Variants in FOXP2 observed in about 807,000 individuals in gnomAD.
FOXP2 encodes forkhead box protein P2.
In FOXP2, 12 loss-of-function variants were observed where a neutral mutation model predicts 115.8. The observed-to-expected ratio is 0.10, with a 90% CI of 0.07 to 0.17. FOXP2 has a LOEUF of 0.17. Ranked by LOEUF, FOXP2 falls within the 10% of genes least tolerant of loss-of-function variation. The pLI is 1.00. For missense variants in FOXP2, 629 were observed against 843.5 expected, an observed-to-expected ratio of 0.75 and a Z score of 3.15; for synonymous variants, 328 against 297.7, an observed-to-expected ratio of 1.10 and a Z score of -1.05.
At chr7:114,264,099 GT>G (rs1795833135) in intron 1 of FOXP2, among the ~76,000 whole-genome samples, 1 of 152,062 alleles carries the variant, frequency 6.6e-6, no homozygotes, top group Non-Finnish European at 1.5e-5. Context: ...CAAGGTGGCT[GT>G]GAGGTCAAAA....
chr7:114,336,147 A>G (rs918765251), intron 2 of FOXP2, among the ~76,000 whole-genome samples: 1 of 151,616 alleles, frequency 6.6e-6, no homozygotes, highest in Non-Finnish European at 1.5e-5. Flanking sequence ...TGCTGTAAGA[A>G]TATTTTTAAA....
Position 114,693,644 on chromosome 7 carries a change from A to G in FOXP2, c.*3718A>G, listed in dbSNP as rs754013672. The G allele has an allele frequency of 1.1e-5, 5 of 441,716 alleles. No individual in the cohort carries two copies. The highest frequency in any genetic ancestry group is 6.5e-5 in the South Asian group (4 of 61,378). The allele number at this position is 441,716 out of a possible 1,614,324, so 27.4% of individuals were successfully genotyped here. On this transcript the variant is annotated 3_prime_UTR_variant, in exon 17 of 17. Coordinates refer to ENST00000350908, the MANE Select transcript of FOXP2 (RefSeq NM_014491.4). Reference sequence around the variant, plus strand: ...AAAAAAGAAGGATGTACATTTTACTATAGAATTAATGTATGAACAGTGTGT... The same window carrying G: ...AAAAAAGAAGGATGTACATTTTACTGTAGAATTAATGTATGAACAGTGTGT...
rs1252082635 is a variant in FOXP2 at position 114,447,814 on chromosome 7, A to T, written c.168+21135A>T. Among the ~76,000 whole-genome samples the T allele has an allele frequency of 2.0e-5, 3 of 152,142 alleles. No individual in the cohort carries two copies. In the East Asian group the frequency reaches 5.8e-4, roughly 29 times the overall value. On this transcript the variant is annotated intron_variant, in intron 2 of 16. Coordinates refer to ENST00000350908, the MANE Select transcript of FOXP2 (RefSeq NM_014491.4). Reference sequence around the variant, plus strand: ...GCAATTATTTGTTTCACATTCATTTACTCTGGGAAGGACCATTTTTCCAAG... The same window carrying T: ...GCAATTATTTGTTTCACATTCATTTTCTCTGGGAAGGACCATTTTTCCAAG...
intron 3 of FOXP2, among the ~76,000 whole-genome samples, chr7:114,577,952 G>A (rs908733849): frequency 1.3e-5 from 2 of 149,406 alleles, no homozygotes; most frequent in Non-Finnish European, 2.9e-5. Context: ...AGAGAGTTGT[G>A]CAATTGTAGA....
chr7:114,375,012 G>A (rs904053682), intron 2 of FOXP2, among the ~76,000 whole-genome samples: 1 of 151,878 alleles, frequency 6.6e-6, no homozygotes, highest in African/African-American at 2.4e-5. Flanking sequence ...GAGTATGCAG[G>A]GTGTTTATAA....
chr7:114,330,751 T>C (rs1035110807), intron 2 of FOXP2, among the ~76,000 whole-genome samples: 2 of 152,036 alleles, frequency 1.3e-5, no homozygotes, highest in Non-Finnish European at 2.9e-5. Flanking sequence ...AATAAAGATA[T>C]ATGTTTTTAT....
chr7:114,118,043 T>G (rs1032924726), intron 1 of FOXP2, among the ~76,000 whole-genome samples: 5 of 152,166 alleles, frequency 3.3e-5, no homozygotes, highest in African/African-American at 4.8e-5. Context: ...AGGTTAGACT[T>G]CTAACATATG....
intron 1 of FOXP2, among the ~76,000 whole-genome samples, chr7:114,426,254 G>A (rs2129204923): frequency 6.6e-6 from 1 of 151,760 alleles, no homozygotes; most frequent in Middle Eastern, 3.4e-3. Context: ...CATGCTATAT[G>A]CATGGTATGT....
At chr7:114,187,838 T>C (rs983680784) in intron 1 of FOXP2, among the ~76,000 whole-genome samples, 2 of 152,096 alleles carry the variant, frequency 1.3e-5, no homozygotes, top group African/African-American at 4.8e-5. Flanking sequence ...AATATCAGGG[T>C]GCCAACCTCT....
At chr7:114,356,463 A>G (rs1266006645) in intron 2 of FOXP2, among the ~76,000 whole-genome samples, 1 of 152,224 alleles carries the variant, frequency 6.6e-6, no homozygotes, top group African/African-American at 2.4e-5. Flanking sequence ...TTGAGAAATT[A>G]AATGAGGATT....
chr7:114,645,129 A>AATATATATAT (rs60674425), intron 8 of FOXP2: 7 of 32,658 alleles, frequency 2.1e-4, no homozygotes, highest in Non-Finnish European at 3.8e-4. Context: ...GAGTCATCCT[A>AATATATATAT]ATATATATAT....
intron 16 of FOXP2, among the ~76,000 whole-genome samples, chr7:114,678,760 G>A (rs917422667): frequency 3.3e-5 from 5 of 151,688 alleles, no homozygotes; most frequent in Non-Finnish European, 5.9e-5. Context: ...AGACTGTGGG[G>A]GAATTTGTTT....
intron 2 of FOXP2, among the ~76,000 whole-genome samples, chr7:114,506,042 C>CA (rs200114493): frequency 2.1e-4 from 31 of 150,688 alleles, no homozygotes; most frequent in East Asian, 5.8e-4. Flanking sequence ...TAAAAAACAA[C>CA]AAAAAAAAGC....
chr7:114,354,270 A>G (rs1309488210), intron 2 of FOXP2, among the ~76,000 whole-genome samples: 1 of 152,102 alleles, frequency 6.6e-6, no homozygotes, highest in Non-Finnish European at 1.5e-5. Flanking sequence ...AGACTGAATT[A>G]TGCCACTAAC....
intron 2 of FOXP2, among the ~76,000 whole-genome samples, chr7:114,383,635 G>A (rs982426566): frequency 1.4e-4 from 21 of 152,104 alleles, no homozygotes; most frequent in Admixed American, 3.3e-4. Flanking sequence ...CTTCCCTCAG[G>A]AGGCCAGGTT....
intron 3 of FOXP2, among the ~76,000 whole-genome samples, chr7:114,537,659 AT>A (rs1411390383): frequency 3.3e-5 from 5 of 151,668 alleles, no homozygotes; most frequent in Admixed American, 3.3e-4. Flanking sequence ...TGGCATAGAT[AT>A]TAGCATGTCT....
intron 1 of FOXP2, among the ~76,000 whole-genome samples, chr7:114,212,424 G>A (rs764554019): frequency 9.2e-5 from 14 of 151,736 alleles, no homozygotes; most frequent in Admixed American, 2.0e-4. Flanking sequence ...TTGTGAATTG[G>A]TGGTTTTTTA....
intron 1 of FOXP2, among the ~76,000 whole-genome samples, chr7:114,127,376 C>T (rs1039948611): frequency 6.6e-6 from 1 of 152,096 alleles, no homozygotes; most frequent in African/African-American, 2.4e-5. Flanking sequence ...TATAAGGGCA[C>T]AGATACCCAG....
In FOXP2 at chr7:114,183,989, A is replaced by C. The variant is rs528371557; in HGVS notation, c.-102+20901A>C. Among the ~76,000 whole-genome samples the C allele has an allele frequency of 3.0e-3, 463 of 152,306 alleles. 3 individuals carry two copies. The highest frequency in any genetic ancestry group is 0.02 in the South Asian group (96 of 4,830). ...TGAATATTGGAATTAACTGTTGAACAAACTTCTGTATCCACTATAGTAAGA... is the reference window on the plus strand; with the variant it reads ...TGAATATTGGAATTAACTGTTGAACCAACTTCTGTATCCACTATAGTAAGA... On this transcript the variant is annotated intron_variant, in intron 1 of 17. Transcript: ENST00000634411.
Sources: allele counts gnomAD v4.1 joint callset (sites outside exome capture counted in the v4.1 genomes callset), GRCh38; gene constraint gnomAD v4.1.1; transcripts MANE v1.5; gene names NCBI Gene and HGNC (gene_info 2026-07-23, HGNC 2026-07-21).